The following PRKCE variants were observed in gnomAD, a reference collection of about 807,000 sequenced individuals.
PRKCE encodes protein kinase C epsilon, also known as protein kinase C epsilon type.
In PRKCE, 16 loss-of-function variants were observed where a neutral mutation model predicts 85.4. The ratio of observed to expected loss-of-function variants is 0.19; its 90% confidence interval spans 0.13 to 0.28. The LOEUF is 0.28. PRKCE is among the 10% of genes least tolerant of loss of function. The pLI, the probability that PRKCE is intolerant of heterozygous loss-of-function variation, is 1.00. For synonymous variants in PRKCE, 388 were observed against 371.5 expected (o/e 1.04, Z -0.51); for missense variants, 573 against 975.2 (o/e 0.59, Z 5.49).
rs772952966 is a variant in PRKCE at position 46,010,394 on chromosome 2, C to T, written c.1314C>T (p.Val438=). The T allele has an allele frequency of 6.3e-7, 1 of 1,599,602 alleles. No individual in the cohort carries two copies. Among genetic ancestry groups the T allele is most frequent in the Admixed American group, 1.7e-5 (1 of 60,012 alleles). ...KGKDEVYAVK[V]LKKDVILQDD... is the part of the protein sequence containing the mutation. ...AAGATGAAGTATATGCTGTGAAGGT[C>T]TTAAAGAAGGACGTCATCCTTCAGG... Residue 438 remains valine (V), a synonymous_variant, in exon 10 of 15, where the codon GTC becomes GTT. Coordinates refer to ENST00000306156, the MANE Select transcript of PRKCE (RefSeq NM_005400.3).
intron 2 of PRKCE, among the ~76,000 whole-genome samples, chr2:45,898,816 C>A (rs1175966416): frequency 6.6e-6 from 1 of 152,198 alleles, no homozygotes; most frequent in African/African-American, 2.4e-5. Context: ...CTTGGCTGAA[C>A]TCGCATGAGG....
intron 11 of PRKCE, among the ~76,000 whole-genome samples, chr2:46,124,704 A>G (rs1269003256): frequency 4.6e-5 from 7 of 152,206 alleles, no homozygotes; most frequent in Non-Finnish European, 4.4e-5. Context: ...TCTACTTGTG[A>G]CAAACTACAA....
At chr2:45,653,975 A>G (rs1347543285) in intron 1 of PRKCE, among the ~76,000 whole-genome samples, 3 of 152,174 alleles carry the variant, frequency 2.0e-5, no homozygotes, top group Non-Finnish European at 1.5e-5. Flanking sequence ...TTTCCTCATG[A>G]ATGCAGTGCA....
At chr2:46,181,724 G>A (rs757755934) in intron 14 of PRKCE, among the ~76,000 whole-genome samples, 1 of 152,240 alleles carries the variant, frequency 6.6e-6, no homozygotes, top group African/African-American at 2.4e-5. Context: ...AGGTAAATGG[G>A]GAGAGCCAGT....
In PRKCE at chr2:45,905,408, G is replaced by A. The variant is rs1163107933; in HGVS notation, c.412+62345G>A. On this transcript the variant is annotated intron_variant, in intron 2 of 14. Coordinates refer to ENST00000306156, the MANE Select transcript of PRKCE (RefSeq NM_005400.3). The surrounding 1 kb of genome is among the most constrained non-coding windows in gnomAD (Gnocchi z 4.4). ...TACATATTGATGAGCTGATTGCTAG[G>A]AGACTAGTGCTGAGAGAGCTGAAAT... Among the ~76,000 whole-genome samples the A allele has an allele frequency of 6.6e-6, 1 of 152,232 alleles. No homozygotes were observed. Among genetic ancestry groups the A allele is most frequent in the Non-Finnish European group, 1.5e-5 (1 of 68,040 alleles).
chr2:46,089,439 G>A (rs1230060091), intron 11 of PRKCE, among the ~76,000 whole-genome samples: 1 of 152,054 alleles, frequency 6.6e-6, no homozygotes, highest in African/African-American at 2.4e-5. Flanking sequence ...CTGCCCCTTG[G>A]TTTTCTGCCC....
chr2:45,900,721 C>T (rs1032072132), intron 2 of PRKCE, among the ~76,000 whole-genome samples: 1 of 152,184 alleles, frequency 6.6e-6, no homozygotes. Context: ...TGTGAATGTA[C>T]TTAATACTAA....
At chr2:45,718,317 G>A (rs1362362319) in intron 1 of PRKCE, among the ~76,000 whole-genome samples, 2 of 150,526 alleles carry the variant, frequency 1.3e-5, no homozygotes, top group African/African-American at 2.4e-5. Flanking sequence ...TTTGGGGAGA[G>A]CTAATAATTA....
intron 1 of PRKCE, among the ~76,000 whole-genome samples, chr2:45,677,352 G>GTTT (rs1209642358): frequency 6.4e-5 from 9 of 140,830 alleles, no homozygotes; most frequent in Non-Finnish European, 1.2e-4. Flanking sequence ...TGTTGTTGTT[G>GTTT]TTTTTTTTTT....
chr2:46,099,880 G>A (rs991910611), intron 11 of PRKCE, among the ~76,000 whole-genome samples: 1 of 152,154 alleles, frequency 6.6e-6, no homozygotes, highest in South Asian at 2.1e-4. Flanking sequence ...TGTGTGCATG[G>A]CCCTATTTCA....
chr2:45,687,825 T>A (rs1267479550), intron 1 of PRKCE, among the ~76,000 whole-genome samples: 1 of 152,254 alleles, frequency 6.6e-6, no homozygotes, highest in Non-Finnish European at 1.5e-5. Flanking sequence ...TATAAGGTAG[T>A]TGCGCTGTGC....
intron 6 of PRKCE, among the ~76,000 whole-genome samples, chr2:45,992,013 C>T (rs936664237): frequency 6.6e-6 from 1 of 152,136 alleles, no homozygotes; most frequent in African/African-American, 2.4e-5. Context: ...CGTGGTGAAC[C>T]TGGAGATAAA....
chr2:46,164,413 G>C (rs1678116457), intron 14 of PRKCE, among the ~76,000 whole-genome samples: 1 of 152,204 alleles, frequency 6.6e-6, no homozygotes, highest in Admixed American at 6.5e-5. Context: ...TACCTCCAAG[G>C]TGACTCAGTC....
At chr2:46,181,429 G>A (rs1679967801) in intron 14 of PRKCE, among the ~76,000 whole-genome samples, 1 of 152,198 alleles carries the variant, frequency 6.6e-6, no homozygotes, top group African/African-American at 2.4e-5. Flanking sequence ...TAACGATCAT[G>A]AAGAATGGCA....
Position 45,984,541 on chromosome 2 carries a change from A to G in PRKCE, c.694-10A>G, listed in dbSNP as rs375104706. On this transcript the variant is annotated splice_polypyrimidine_tract_variant and intron_variant, in intron 5 of 14. Transcript: ENST00000306156. ...CTCGGTGGTGAACCTGTATCTTGCC[A>G]TCCCTGCAGGTGGGCTCCCAGCGGT... The G allele has an allele frequency of 1.7e-5, 27 of 1,599,204 alleles. No individual in the cohort carries two copies. The highest frequency in any genetic ancestry group is 2.7e-5 in the African/African-American group (2 of 74,998).
chr2:45,874,678 C>T (rs1215030221), intron 2 of PRKCE, among the ~76,000 whole-genome samples: 1 of 152,186 alleles, frequency 6.6e-6, no homozygotes, highest in Non-Finnish European at 1.5e-5. Flanking sequence ...TTCATCCTAG[C>T]CTTCAGATTC....
intron 11 of PRKCE, among the ~76,000 whole-genome samples, chr2:46,135,852 GT>G (rs1359782994): frequency 3.5e-5 from 5 of 143,644 alleles, no homozygotes; most frequent in Non-Finnish European, 3.0e-5. Flanking sequence ...CTTCCTGAGA[GT>G]GATGGGAGGT....
chr2:46,062,854 C>A (rs1443205408), intron 10 of PRKCE, among the ~76,000 whole-genome samples: 1 of 152,024 alleles, frequency 6.6e-6, no homozygotes, highest in South Asian at 2.1e-4. Flanking sequence ...GTCTCAAACT[C>A]CTGGGCTCAA....
At chr2:45,881,467 A>T (rs1317689199) in intron 2 of PRKCE, among the ~76,000 whole-genome samples, 1 of 152,226 alleles carries the variant, frequency 6.6e-6, no homozygotes, top group East Asian at 1.9e-4. Flanking sequence ...TAAGTACCCA[A>T]GTCAGAAATT....
Sources: allele counts gnomAD v4.1 joint callset (sites outside exome capture counted in the v4.1 genomes callset), GRCh38; gene constraint gnomAD v4.1.1; non-coding constraint Gnocchi (gnomAD v3.1); transcripts MANE v1.5; gene names NCBI Gene and HGNC (gene_info 2026-07-23, HGNC 2026-07-21).